The following SYT1 variants were observed in gnomAD, a reference collection of about 807,000 sequenced individuals.
The protein encoded by SYT1 is synaptotagmin-1.
Under a neutral mutation model 44.8 loss-of-function variants are expected in SYT1, and 8 were observed. The ratio of observed to expected loss-of-function variants is 0.18; its 90% CI spans 0.10 to 0.32. The LOEUF (loss-of-function observed/expected upper bound fraction) is 0.32, where lower values mean the gene tolerates loss of function less well. SYT1 is among the 10% of genes least tolerant of loss of function. SYT1 has a pLI of 1.00. For synonymous variants in SYT1, 154 were observed against 188.8 expected, an observed-to-expected ratio of 0.82 and a Z score of 1.51; for missense variants, 286 against 509.3, an observed-to-expected ratio of 0.56 and a Z score of 4.22.
In SYT1 at chr12:79,179,279, TAGATATATAGATAC is replaced by T. The variant is rs1369047752; in HGVS notation, c.-17-38219_-17-38206del. On this transcript the variant is annotated intron_variant, in intron 3 of 10. Coordinates refer to ENST00000261205, the MANE Select transcript of SYT1 (RefSeq NM_005639.3). ...AGATATAGATATATAGATATAGATATAGATATATAGATACAGATTTAGATATATCTATATAGATA... is the reference window on the plus strand; with the variant it reads ...AGATATAGATATATAGATATAGATATAGATTTAGATATATCTATATAGATA... 1.6e-4 allele frequency among the ~76,000 whole-genome samples: 20 copies of T among 124,478 alleles called. 3 individuals carry two copies. The highest frequency in any genetic ancestry group is 6.0e-4 in the African/African-American group (19 of 31,918). The allele number at this position is 124,478 out of a possible 152,430, so 81.7% of individuals were successfully genotyped here.
intron 2 of SYT1, among the ~76,000 whole-genome samples, chr12:78,986,455 T>C (rs1391083942): frequency 6.6e-6 from 1 of 151,952 alleles, no homozygotes; most frequent in Non-Finnish European, 1.5e-5. Flanking sequence ...TTAGCTAACA[T>C]ATTTTACTAA....
At chr12:79,182,271 T>A (rs1872588239) in intron 3 of SYT1, among the ~76,000 whole-genome samples, 1 of 152,088 alleles carries the variant, frequency 6.6e-6, no homozygotes, top group Admixed American at 6.6e-5. Context: ...CACTTTAATG[T>A]TTGGTACTAC....
At chr12:79,146,791 A>G (rs1004016819) in intron 3 of SYT1, among the ~76,000 whole-genome samples, 1 of 152,114 alleles carries the variant, frequency 6.6e-6, no homozygotes, top group East Asian at 1.9e-4. Context: ...TTTTAAAAAA[A>G]TTGTGTAAAG....
At chr12:79,182,163 C>A (rs1872584232) in intron 3 of SYT1, among the ~76,000 whole-genome samples, 1 of 152,070 alleles carries the variant, frequency 6.6e-6, no homozygotes, top group South Asian at 2.1e-4. Flanking sequence ...CCCTTGTAAT[C>A]CAGCTTCCAC....
chr12:78,973,425 A>T (rs1868517464), intron 1 of SYT1, among the ~76,000 whole-genome samples: 2 of 152,136 alleles, frequency 1.3e-5, no homozygotes, highest in Non-Finnish European at 2.9e-5. Context: ...CCAGGCCCTG[A>T]TAACCGCCAT....
rs183501352 is a variant in SYT1 at position 79,347,011 on chromosome 12, T to C, written c.811-6491T>C. Among the ~76,000 whole-genome samples, 1,341 of 151,316 alleles carry C rather than the reference T, an allele frequency of 8.9e-3. 22 individuals carry two copies. Among genetic ancestry groups the C allele is most frequent in the African/African-American group, 0.031 (1,285 of 41,120 alleles). ...CAAGTGGGCTAGAATAGTAAGGAGG[T>C]TTTTTTGTTTGTTTGTGTGTTTGTT... On this transcript the variant is annotated intron_variant, in intron 8 of 10. Transcript: ENST00000261205.
chr12:79,075,149 C>T lies in SYT1; in HGVS notation c.-18+27787C>T, dbSNP rs74110127. On this transcript the variant is annotated intron_variant, in intron 3 of 10. Transcript: ENST00000261205. Reference sequence around the variant, plus strand: ...TATATGTCTAATCTCTTTAATTTTACATACTGATGCAAAAGAGATACTAGG... The same window carrying T: ...TATATGTCTAATCTCTTTAATTTTATATACTGATGCAAAAGAGATACTAGG... Among the ~76,000 whole-genome samples, 212 of 152,284 alleles carry T rather than the reference C, an allele frequency of 1.4e-3. 2 individuals are homozygous for T. Among genetic ancestry groups the T allele is most frequent in the African/African-American group, 5.0e-3 (208 of 41,566 alleles).
chr12:79,345,882 T>C (rs1036328980), intron 8 of SYT1, among the ~76,000 whole-genome samples: 23 of 152,206 alleles, frequency 1.5e-4, no homozygotes, highest in Admixed American at 2.6e-4. Flanking sequence ...TGAGAGATAA[T>C]TGGGTCTCCA....
chr12:79,324,319 A>G (rs1881509236), intron 8 of SYT1, among the ~76,000 whole-genome samples: 2 of 152,170 alleles, frequency 1.3e-5, no homozygotes, highest in South Asian at 4.1e-4. Context: ...GATGTAACAA[A>G]TGACCGTGCT....
At chr12:79,171,021 C>T (rs1227058935) in intron 3 of SYT1, among the ~76,000 whole-genome samples, 3 of 151,692 alleles carry the variant, frequency 2.0e-5, no homozygotes, top group Non-Finnish European at 4.4e-5. Flanking sequence ...GTTTTATTTC[C>T]GGATTCTCTA....
chr12:78,973,686 TAAAAGTAACTTTACAAG>T (rs1160901863), intron 1 of SYT1, among the ~76,000 whole-genome samples: 2 of 151,898 alleles, frequency 1.3e-5, no homozygotes, highest in Non-Finnish European at 2.9e-5. Flanking sequence ...TGACCTTGCA[TAAAAGTAACTTTACAAG>T]AATATTAGCA....
intron 2 of SYT1, among the ~76,000 whole-genome samples, chr12:79,001,744 A>T (rs1318326365): frequency 6.6e-6 from 1 of 152,162 alleles, no homozygotes; most frequent in African/African-American, 2.4e-5. Flanking sequence ...TCTGGTGATA[A>T]TATTTTTGTC....
chr12:79,311,822 A>T (rs1192889032), intron 8 of SYT1, among the ~76,000 whole-genome samples: 1 of 141,278 alleles, frequency 7.1e-6, no homozygotes, highest in Non-Finnish European at 1.5e-5. Context: ...GAACAATGAG[A>T]ACACATGGAC....
intron 3 of SYT1, among the ~76,000 whole-genome samples, chr12:79,181,526 C>T (rs994655298): frequency 2.0e-5 from 3 of 151,824 alleles, no homozygotes; most frequent in Non-Finnish European, 4.4e-5. Context: ...TCTTCCAGGG[C>T]CCCCACTCTT....
At chr12:78,912,686 A>G (rs1180174777) in intron 1 of SYT1, among the ~76,000 whole-genome samples, 1 of 151,982 alleles carries the variant, frequency 6.6e-6, no homozygotes, top group Non-Finnish European at 1.5e-5. Context: ...AAGATGCTTT[A>G]AAAGGGAGAT....
intron 2 of SYT1, among the ~76,000 whole-genome samples, chr12:78,984,608 A>G (rs1168765396): frequency 6.6e-6 from 1 of 151,996 alleles, no homozygotes; most frequent in Non-Finnish European, 1.5e-5. Context: ...ATAATTACAA[A>G]TTAGAAAACA....
intron 1 of SYT1, among the ~76,000 whole-genome samples, chr12:78,866,361 A>C (rs145983356): frequency 9.3e-4 from 141 of 152,348 alleles, no homozygotes; most frequent in African/African-American, 3.3e-3. Flanking sequence ...ATCCTCCTGT[A>C]CTGGAACTAA....
chr12:78,981,584 C>T (rs1037904826), intron 2 of SYT1, among the ~76,000 whole-genome samples: 3 of 152,054 alleles, frequency 2.0e-5, no homozygotes, highest in African/African-American at 7.2e-5. Context: ...AATCTTTGGC[C>T]TTCTACTAAT....
At chr12:78,903,572 A>G (rs1875787186) in intron 1 of SYT1, among the ~76,000 whole-genome samples, 1 of 152,088 alleles carries the variant, frequency 6.6e-6, no homozygotes, top group South Asian at 2.1e-4. Flanking sequence ...GGCGTGACCC[A>G]CCGCACCTGG....
Sources: gnomAD v4.1 joint callset for allele counts (sites outside exome capture counted in the v4.1 genomes callset) on GRCh38, gnomAD v4.1.1 for gene constraint, MANE v1.5 for transcripts, NCBI Gene and HGNC (gene_info 2026-07-23, HGNC 2026-07-21) for gene names.